The following GK variants were observed in gnomAD, a reference collection of about 807,000 sequenced individuals.
The protein encoded by GK is ATP:glycerol 3-phosphotransferase.
GK carries 9 observed loss-of-function variants against 56.4 expected under a neutral mutation model. The ratio of observed to expected loss-of-function variants is 0.16; its 90% CI spans 0.10 to 0.28. The LOEUF (loss-of-function observed/expected upper bound fraction) is 0.28, where lower values mean the gene tolerates loss of function less well. GK is among the 10% of genes least tolerant of loss of function. GK has a pLI of 1.00. For missense variants in GK, 161 were observed against 431.4 expected, an observed-to-expected ratio of 0.37 and a Z score of 5.55; for synonymous variants, 104 against 144.1, an observed-to-expected ratio of 0.72 and a Z score of 1.99.
At chrX:30,693,011 CTTTTTTTTTTT>C (rs1184645786) in intron 5 of GK, among the ~76,000 whole-genome samples, 1 of 56,619 alleles carries the variant, frequency 1.8e-5, no homozygotes, top group Non-Finnish European at 3.2e-5. Context: ...TTTTTCTTTT[CTTTTTTTTTTT>C]TTTTTTTTTT....
intron 13 of GK, among the ~76,000 whole-genome samples, chrX:30,711,962 A>G (rs1002057738): frequency 1.8e-5 from 2 of 111,784 alleles, no homozygotes; most frequent in Non-Finnish European, 3.8e-5. Flanking sequence ...GCAGCCCTGA[A>G]CACCAGAGTT....
At chrX:30,657,644 A>G (rs1190189805) in intron 1 of GK, among the ~76,000 whole-genome samples, 2 of 112,188 alleles carry the variant, frequency 1.8e-5, no homozygotes, top group Non-Finnish European at 3.8e-5. Flanking sequence ...AGATCGTATT[A>G]GTAAGCTTCT....
intron 11 of GK, 58 bp from the exon 12 acceptor site, chrX:30,707,498 G>T: frequency 1.5e-6 from 1 of 684,907 alleles, no homozygotes. Flanking sequence ...TGTTATTAAT[G>T]TTTCATTATT....
intron 11 of GK, among the ~76,000 whole-genome samples, chrX:30,704,128 T>TATATATATATATATATATA (rs1935848542): frequency 1.3e-5 from 1 of 74,936 alleles, no homozygotes; most frequent in Non-Finnish European, 2.3e-5. Context: ...GTTATTCATT[T>TATATATATATATATATATA]TATATATATA....
Position 30,691,817 on chromosome X carries a change from G to C in GK, c.414+618G>C, listed in dbSNP as rs776055696. 6.3e-5 allele frequency among the ~76,000 whole-genome samples: 7 copies of C among 110,778 alleles called. No individual in the cohort carries two copies. In the East Asian group the frequency reaches 1.7e-3, roughly 27 times the overall value. On this transcript the variant is annotated intron_variant, in intron 5 of 20. Transcript: ENST00000427190. ...TTTTTTCTACTGCCCATCAAAGAATGTTCTGGCTGCTTTTGAGTTTTTAAG... is the reference window on the plus strand; with the variant it reads ...TTTTTTCTACTGCCCATCAAAGAATCTTCTGGCTGCTTTTGAGTTTTTAAG...
In GK at chrX:30,696,573, T is replaced by G. The variant is rs769616954; in HGVS notation, c.663-44T>G. Reference sequence around the variant, plus strand: ...AAATACATATAAATGTTTCTAGATGTCTATTTAAAACAGTGTTAAATACCC... The same window carrying G: ...AAATACATATAAATGTTTCTAGATGGCTATTTAAAACAGTGTTAAATACCC... On this transcript the variant is annotated intron_variant, in intron 7 of 20. Coordinates refer to ENST00000427190, the MANE Select transcript of GK (RefSeq NM_001205019.2). 4 of 871,667 alleles carry G rather than the reference T, an allele frequency of 4.6e-6. No individual in the cohort carries two copies. In the African/African-American group the frequency reaches 7.9e-5, roughly 17 times the overall value. 71.8% of individuals were successfully genotyped at this position (871,667 alleles called of 1,213,427 possible).
chrX:30,707,113 G>A (rs950054031), intron 11 of GK, among the ~76,000 whole-genome samples: 1 of 111,375 alleles, frequency 9.0e-6, no homozygotes, highest in African/African-American at 3.3e-5. Flanking sequence ...GGTGGATCAC[G>A]AAGTCAGGAG....
At chrX:30,679,838 T>C (rs1934182853) in intron 4 of GK, among the ~76,000 whole-genome samples, 2 of 111,994 alleles carry the variant, frequency 1.8e-5, no homozygotes, top group South Asian at 7.3e-4. Context: ...TTGGCTGTTT[T>C]TTTAAGCACT....
chrX:30,715,056 G>C (rs1331089504), intron 13 of GK, among the ~76,000 whole-genome samples: 1 of 111,846 alleles, frequency 8.9e-6, no homozygotes, highest in South Asian at 3.7e-4. Context: ...ACATAGCACT[G>C]TAGTATACAC....
At chrX:30,681,526 GA>G (rs1430576891) in intron 4 of GK, among the ~76,000 whole-genome samples, 1 of 111,908 alleles carries the variant, frequency 8.9e-6, no homozygotes, top group Non-Finnish European at 1.9e-5. Context: ...AAAGGAATGA[GA>G]AAAAACGAGG....
intron 9 of GK, among the ~76,000 whole-genome samples, chrX:30,699,294 C>T (rs868789779): frequency 1.3e-3 from 116 of 87,082 alleles, no homozygotes; most frequent in African/African-American, 4.0e-3. Flanking sequence ...ACATGTTATA[C>T]ATAACATGTA....
chrX:30,695,056 A>G (rs1363673757), intron 6 of GK: 7 of 390,947 alleles, frequency 1.8e-5, no homozygotes, highest in East Asian at 1.9e-4. Context: ...TATTTCTACT[A>G]TACTCACATA....
chrX:30,678,852 A>ATTTTTTTTT (rs58342528), intron 4 of GK, among the ~76,000 whole-genome samples: 4 of 77,204 alleles, frequency 5.2e-5, no homozygotes, highest in Non-Finnish European at 4.9e-5. Flanking sequence ...ATGCCCAGCT[A>ATTTTTTTTT]TTTTTTTTTT....
chrX:30,710,066 A>C (rs1331722692), intron 13 of GK, among the ~76,000 whole-genome samples: 1 of 112,069 alleles, frequency 8.9e-6, no homozygotes, highest in African/African-American at 3.2e-5. Flanking sequence ...AGAATTGTAA[A>C]AGCTCAGAGA....
Position 30,720,106 on chromosome X carries a change from TG to T in GK, c.1236+14del. 1 of 1,078,368 alleles carries T rather than the reference TG, an allele frequency of 9.3e-7. No individual in the cohort carries two copies. The highest frequency in any genetic ancestry group is 1.3e-6 in the Non-Finnish European group (1 of 773,683). 88.9% of individuals were successfully genotyped at this position (1,078,368 alleles called of 1,213,427 possible). ...TTCCAAACTCGAGAGGTAACAAATA[TG>T]GGCCTGTTTTCTTGTACTTAGTTCA... On this transcript the variant is annotated intron_variant, in intron 16 of 20. Coordinates refer to ENST00000427190, the MANE Select transcript of GK (RefSeq NM_001205019.2).
At chrX:30,669,550 A>G (rs1933338108) in intron 3 of GK, among the ~76,000 whole-genome samples, 1 of 112,004 alleles carries the variant, frequency 8.9e-6, no homozygotes, top group Admixed American at 9.5e-5. Context: ...AAAAAAATCC[A>G]GCCACCCAAG....
rs1382894028 is a variant in GK, at chrX:30,724,022, G to A, written c.1502-79G>A. The A allele has an allele frequency of 6.6e-6, 4 of 608,108 alleles. No individual in the cohort carries two copies. The African/African-American group carries it at 8.8e-5, about 13-fold the overall frequency. 50.1% of individuals were successfully genotyped at this position (608,108 alleles called of 1,213,427 possible). ...TGTGCAATAATTTGTCAAGAATGTTGAGTGATCATAAGTATGGTACTAAGA... is the reference window on the plus strand; with the variant it reads ...TGTGCAATAATTTGTCAAGAATGTTAAGTGATCATAAGTATGGTACTAAGA... On this transcript the variant is annotated intron_variant, in intron 18 of 20. Transcript: ENST00000427190.
chrX:30,677,651 C>A (rs754244331), intron 4 of GK, among the ~76,000 whole-genome samples, 199 bp downstream of exon 4: 17 of 109,835 alleles, frequency 1.5e-4, no homozygotes, highest in Non-Finnish European at 2.8e-4. Flanking sequence ...ATGGTGAAAC[C>A]CCATCTCTAC....
At chrX:30,656,919 C>T (rs1174801813) in intron 1 of GK, among the ~76,000 whole-genome samples, 4 of 112,454 alleles carry the variant, frequency 3.6e-5, no homozygotes, top group African/African-American at 1.3e-4. Context: ...GGCATGATCT[C>T]GGCTCACTGC....
Sources: allele counts gnomAD v4.1 joint callset (sites outside exome capture counted in the v4.1 genomes callset), GRCh38; gene constraint gnomAD v4.1.1; transcripts MANE v1.5; gene names NCBI Gene and HGNC (gene_info 2026-07-23, HGNC 2026-07-21).